TUBGCP3: variants seen among roughly 807,000 people sequenced by gnomAD.
The protein encoded by TUBGCP3 is gamma-tubulin complex component 3.
Under a neutral mutation model 123.1 loss-of-function variants are expected in TUBGCP3, and 50 were observed. The ratio of observed to expected loss-of-function variants is 0.41; its 90% CI spans 0.32 to 0.51. The LOEUF is 0.51. Among genes scored for constraint, TUBGCP3 ranks in the 20% least tolerant of loss-of-function variants. The pLI is 0.36. For missense variants in TUBGCP3, 882 were observed against 1,127.0 expected (o/e 0.78, Z 3.11); for synonymous variants, 405 against 413.9 (o/e 0.98, Z 0.26).
rs770031267 is a variant in TUBGCP3, at chr13:112,516,530, A to C, written c.1996T>G (p.Phe666Val). ...TCCATCCGCTTCGCCCTCCAGAGGA[A>C]GTTAAATACTCTTAGGTAGTGGCTC... Reference protein sequence around the residue: ...CMSHYLRVFNFLWRAKRMEYI... With the variant: ...CMSHYLRVFNVLWRAKRMEYI... The change falls in exon 17 of 22, where the codon TTC (phenylalanine) becomes GTC (valine). Residue 666 changes from phenylalanine to valine, a missense_variant. This residue lies in a region of TUBGCP3 where 713 missense variants were observed against 874.0 expected (regional missense o/e 0.82). Coordinates refer to ENST00000261965, the MANE Select transcript of TUBGCP3 (RefSeq NM_006322.6). The C allele has an allele frequency of 6.2e-7, 1 of 1,614,072 alleles. No individual in the cohort carries two copies. The highest frequency in any genetic ancestry group is 2.2e-5 in the East Asian group (1 of 44,898).
chr13:112,595,802 T>C, the TUBGCP3 span, among the ~76,000 whole-genome samples: 22 of 152,222 alleles, frequency 1.4e-4, no homozygotes, highest in African/African-American at 4.6e-4. Context: ...TTACATTTGA[T>C]GTAATTTGAT....
chr13:112,499,231 A>C (rs1350616098), intron 19 of TUBGCP3, 46 bp from the exon 20 acceptor site: 1 of 1,548,090 alleles, frequency 6.5e-7, no homozygotes, highest in South Asian at 1.2e-5. Flanking sequence ...CAACCAGCTA[A>C]GTTTCTTAAA....
In TUBGCP3 at chr13:112,524,649, A is replaced by T. The variant is rs1876903680; in HGVS notation, c.1556-2140T>A. ...CCCCCCCACAAAAAAATACATGTAA[A>T]ATTATGTCTGAATGCTTTAGGGTGA... On this transcript the variant is annotated intron_variant, in intron 13 of 21. Coordinates refer to ENST00000261965, the MANE Select transcript of TUBGCP3 (RefSeq NM_006322.6). The surrounding 1 kb of genome is among the most constrained non-coding windows in gnomAD (Gnocchi z 4.4). Among the ~76,000 whole-genome samples, 1 of 152,078 alleles carries T rather than the reference A, an allele frequency of 6.6e-6. No individual in the cohort carries two copies. The highest frequency in any genetic ancestry group is 1.5e-5 in the Non-Finnish European group (1 of 68,008).
the TUBGCP3 span, among the ~76,000 whole-genome samples, chr13:112,601,847 C>T: frequency 6.6e-6 from 1 of 152,234 alleles, no homozygotes; most frequent in Non-Finnish European, 1.5e-5. Context: ...AACCCAGGTG[C>T]CCCAGGGCCA....
In TUBGCP3 at chr13:112,547,728, C is replaced by A; in HGVS notation, c.1060G>T (p.Val354Leu). ...AAACTACTCTCAAGTCCCAAATTCA[C>A]ACCCTGGTCATCCTCTAGTTGTAGC... ...SQLQLEDDQGVNLGLESSLTL... is the reference protein window; with the variant it reads ...SQLQLEDDQGLNLGLESSLTL... Residue 354 changes from valine (V) to leucine (L), a missense_variant, in exon 10 of 22, where the codon GTG becomes TTG. Around this residue, in one of 3 missense-constraint regions of TUBGCP3, gnomAD observed 713 missense variants for 874.0 expected, o/e 0.82. Transcript: ENST00000261965. 1 of 1,522,214 alleles carries A rather than the reference C, an allele frequency of 6.6e-7. No individual in the cohort carries two copies. The highest frequency in any genetic ancestry group is 8.8e-7 in the Non-Finnish European group (1 of 1,132,878). 94.3% of individuals were successfully genotyped at this position (1,522,214 alleles called of 1,614,324 possible).
chr13:112,515,851 G>C (rs531157364), intron 17 of TUBGCP3, among the ~76,000 whole-genome samples: 1 of 152,190 alleles, frequency 6.6e-6, no homozygotes, highest in South Asian at 2.1e-4. Context: ...CAGAGATCAT[G>C]AACTGCTTTC....
Position 112,485,812 on chromosome 13 carries a change from G to A in TUBGCP3, c.*181C>T, listed in dbSNP as rs183439935. 2.8e-4 allele frequency: 188 copies of A among 669,238 alleles called. No individual in the cohort carries two copies. Among genetic ancestry groups the A allele is most frequent in the African/African-American group, 1.8e-3 (98 of 54,862 alleles). 41.5% of individuals were successfully genotyped at this position (669,238 alleles called of 1,614,324 possible). On this transcript the variant is annotated 3_prime_UTR_variant, in exon 22 of 22. Transcript: ENST00000261965. ...GACTTAGGGATTTACAAATGCATTC[G>A]ACTCCGACATGTGAAACACGACGTG... is the stretch of plus-strand genomic sequence containing the variant.
chr13:112,488,497 C>T (rs1477892254), intron 21 of TUBGCP3, among the ~76,000 whole-genome samples: 1 of 152,222 alleles, frequency 6.6e-6, no homozygotes, highest in African/African-American at 2.4e-5. Context: ...GGCTGGGCAG[C>T]TGTCTCAGGG....
chr13:112,547,502 A>C, intron 10 of TUBGCP3, 118 bp downstream of exon 10: 1 of 1,332,320 alleles, frequency 7.5e-7, no homozygotes, highest in Non-Finnish European at 9.7e-7. Flanking sequence ...CGAGTGCCAG[A>C]CGCGCGTGGG....
At chr13:112,505,865 G>A (rs962069125) in intron 17 of TUBGCP3, among the ~76,000 whole-genome samples, 2 of 152,194 alleles carry the variant, frequency 1.3e-5, no homozygotes, top group Admixed American at 6.5e-5. Flanking sequence ...CCGTGCACTT[G>A]GGAAAGGAGG....
At chr13:112,486,220 CT>C in intron 21 of TUBGCP3, 69 bp from the exon 22 acceptor site, 1 of 1,567,016 alleles carries the variant, frequency 6.4e-7, no homozygotes, top group Non-Finnish European at 8.7e-7. Flanking sequence ...TTCCCCGGAC[CT>C]TAATCTCCTT....
At chr13:112,569,502 A>G (rs1315116911) in intron 1 of TUBGCP3, among the ~76,000 whole-genome samples, 2 of 152,240 alleles carry the variant, frequency 1.3e-5, no homozygotes, top group Non-Finnish European at 2.9e-5. Flanking sequence ...CTAGATGACA[A>G]AAAACAAACT....
upstream of TUBGCP3, among the ~76,000 whole-genome samples, chr13:112,589,278 A>G (rs190956193): frequency 1.6e-4 from 25 of 152,168 alleles, no homozygotes; most frequent in East Asian, 4.4e-3. Flanking sequence ...CCTCTCCCCC[A>G]CCTTCAGCTG....
chr13:112,536,073 G>T (rs1449521159), intron 11 of TUBGCP3, among the ~76,000 whole-genome samples: 1 of 152,216 alleles, frequency 6.6e-6, no homozygotes, highest in Non-Finnish European at 1.5e-5. Flanking sequence ...TAAAAATGAA[G>T]ATGTACTTCT....
intron 3 of TUBGCP3, among the ~76,000 whole-genome samples, chr13:112,559,964 A>C (rs1013075839): frequency 6.6e-5 from 10 of 151,770 alleles, no homozygotes; most frequent in African/African-American, 1.9e-4. Flanking sequence ...GCGAAACCCC[A>C]TCTCTACTAA....
At position 112,527,388 on chromosome 13, in the gene TUBGCP3, C is replaced by T. The variant is rs757758480; in HGVS notation, c.1432G>A (p.Asp478Asn). ...KSMIPSFMTM[D>N]QSRKVLLIGK... is the part of the protein sequence containing the mutation. ...TCTAATCCTACCTTCCTAGACTGAT[C>T]CATCGTCATAAACGAAGGAATCATC... Residue 478 changes from aspartate to asparagine, a missense_variant, in exon 12 of 22, where the codon GAT (aspartate) becomes AAT (asparagine). By Grantham distance (23) the Asp-to-Asn change is conservative. Transcript: ENST00000261965. 1 of 1,583,340 alleles carries T rather than the reference C, an allele frequency of 6.3e-7. No homozygotes were observed. Among genetic ancestry groups the T allele is most frequent in the East Asian group, 2.2e-5 (1 of 44,680 alleles).
rs1410411028 is a variant in TUBGCP3, at chr13:112,524,922, T to C, written c.1555+2020A>G. Among the ~76,000 whole-genome samples the C allele has an allele frequency of 6.6e-6, 1 of 152,166 alleles. No individual in the cohort carries two copies. Among genetic ancestry groups the C allele is most frequent in the Non-Finnish European group, 1.5e-5 (1 of 68,038 alleles). ...GCCCGAAATGACATTCCTCTCTCAG[T>C]GCTATGCTCTCCCGAAATCCCCTGC... On this transcript the variant is annotated intron_variant, in intron 13 of 21. Coordinates refer to ENST00000261965, the MANE Select transcript of TUBGCP3 (RefSeq NM_006322.6). This position sits in a 1 kb window ranked among gnomAD's most constrained non-coding sequence, Gnocchi z 4.4.
chr13:112,526,619 CACT>C (rs1026155177), intron 13 of TUBGCP3, among the ~76,000 whole-genome samples: 1 of 151,384 alleles, frequency 6.6e-6, no homozygotes, highest in Non-Finnish European at 1.5e-5. Context: ...TCACCATCAT[CACT>C]ACCACCAGCA....
chr13:112,528,359 T>G lies in TUBGCP3; in HGVS notation c.1336-875A>C, dbSNP rs148335045. On this transcript the variant is annotated intron_variant, in intron 11 of 21. Transcript: ENST00000261965. ...TTCCTTTCCACACAGCTGTGTAGACTGACGCTCCCACGGGCAAGATGTCCT... is the reference window on the plus strand; with the variant it reads ...TTCCTTTCCACACAGCTGTGTAGACGGACGCTCCCACGGGCAAGATGTCCT... 1.4e-3 allele frequency among the ~76,000 whole-genome samples: 213 copies of G among 152,340 alleles called. 2 individuals carry two copies. Among genetic ancestry groups the G allele is most frequent in the African/African-American group, 4.8e-3 (201 of 41,586 alleles).
Sources: allele counts gnomAD v4.1 joint callset (sites outside exome capture counted in the v4.1 genomes callset), GRCh38; gene constraint gnomAD v4.1.1; regional missense constraint gnomAD v4.1.1; non-coding constraint Gnocchi (gnomAD v3.1); transcripts MANE v1.5; gene names NCBI Gene and HGNC (gene_info 2026-07-23, HGNC 2026-07-21).